RHBDF1: variants seen among roughly 807,000 people sequenced by gnomAD.
RHBDF1 encodes rhomboid 5 homolog 1, also known as inactive rhomboid protein 1.
A neutral mutation model predicts 98.6 loss-of-function variants in RHBDF1; 80 were observed. That is an observed-to-expected ratio of 0.81 (90% confidence interval 0.68 to 0.98). The LOEUF (loss-of-function observed/expected upper bound fraction) is 0.98. Ranked by LOEUF, RHBDF1 falls within the 50% of genes least tolerant of loss-of-function variation. The pLI is 0.00. For synonymous variants in RHBDF1, 512 were observed against 486.8 expected, an observed-to-expected ratio of 1.05 and a Z score of -0.68; for missense variants, 1,116 against 1,198.3, an observed-to-expected ratio of 0.93 and a Z score of 1.01.
chr16:59,661 G>C (rs1383069538), intron 14 of RHBDF1, 71 bp downstream of exon 14: 38 of 1,568,600 alleles, frequency 2.4e-5, no homozygotes, highest in South Asian at 1.0e-4. Context: ...GATTTGGTTA[G>C]GGAGAAGGCA....
rs1596478590 is a variant in RHBDF1, at chr16:72,624, G to GCCGGTCCGGCCCGCCC, written c.-137_-136insGGGCGGGCCGGACCGG. The GCCGGTCCGGCCCGCCC allele has an allele frequency of 3.1e-6, 3 of 972,308 alleles. No individual in the cohort carries two copies. Among genetic ancestry groups the GCCGGTCCGGCCCGCCC allele is most frequent in the South Asian group, 4.8e-5 (1 of 20,988 alleles). The allele number at this position is 972,308 out of a possible 1,614,324, so 60.2% of individuals were successfully genotyped here. On this transcript the variant is annotated 5_prime_UTR_variant, in exon 1 of 18. Transcript: ENST00000262316. ...GCCCGCCCGCCGGTCCGGCCCGCCC[G>GCCGGTCCGGCCCGCCC]GGAATGCCCTGGAGCGAGGGGCGTG...
chr16:63,256 C>G, intron 4 of RHBDF1, 74 bp from the exon 5 acceptor site: 1 of 1,286,426 alleles, frequency 7.8e-7, no homozygotes, highest in East Asian at 2.5e-5. Context: ...AGAGGCCTTG[C>G]AAAGACAGCG....
chr16:62,318 G>A (rs1249761118), intron 7 of RHBDF1: 4 of 744,054 alleles, frequency 5.4e-6, no homozygotes, highest in Non-Finnish European at 8.5e-6. Context: ...CCCAGCCCCT[G>A]GGTTCTAAGA....
chr16:64,978 T>A lies in RHBDF1; in HGVS notation c.38A>T (p.Gln13Leu). The part of the protein sequence containing the change: ...EARRDSTSSL[Q>L]RKKPPWLKLD... ...CTTTAGCCAGGGTGGCTTCTTGCGC[T>A]GCAGGCTGCTCGTGCTGTCCCTGCG... Residue 13 changes from glutamine to leucine, a missense_variant, in exon 2 of 18, where the codon CAG becomes CTG. Transcript: ENST00000262316. The A allele has an allele frequency of 6.5e-7, 1 of 1,549,196 alleles. No individual in the cohort carries two copies. The highest frequency in any genetic ancestry group is 8.7e-7 in the Non-Finnish European group (1 of 1,144,846).
intron 12 of RHBDF1, 68 bp from the exon 13 acceptor site, chr16:60,347 C>A (rs1205938493): frequency 2.5e-6 from 4 of 1,606,126 alleles, no homozygotes; most frequent in South Asian, 1.1e-5. Flanking sequence ...CCAGCCAAGT[C>A]GCCAACAAGA....
intron 1 of RHBDF1, among the ~76,000 whole-genome samples, chr16:65,933 A>T (rs1038894178): frequency 2.0e-5 from 3 of 152,228 alleles, no homozygotes; most frequent in Admixed American, 6.5e-5. Context: ...CTACCATGAC[A>T]TGCCAGGCAC....
intron 1 of RHBDF1, among the ~76,000 whole-genome samples, chr16:65,431 G>C (rs546498549): frequency 2.6e-4 from 39 of 152,366 alleles, no homozygotes; most frequent in African/African-American, 9.1e-4. Flanking sequence ...AGTATGATGG[G>C]AGCGGGGGAA....
Position 72,584 on chromosome 16 carries a change from C to CT in RHBDF1, c.-97_-96insA. The CT allele has an allele frequency of 1.1e-6, 1 of 873,098 alleles. No homozygotes were observed. Among genetic ancestry groups the CT allele is most frequent in the Non-Finnish European group, 1.4e-6 (1 of 739,828 alleles). 54.1% of individuals were successfully genotyped at this position (873,098 alleles called of 1,614,324 possible). On this transcript the variant is annotated 5_prime_UTR_variant, in exon 1 of 18. Transcript: ENST00000262316. ...GGCTGCCGCCGCTGGCCGGGAGGGC[C>CT]CGCGCCGAGTCCCCGCCCGCCCGCC...
chr16:63,059 G>A lies in RHBDF1; in HGVS notation c.586C>T (p.Arg196Cys), dbSNP rs767258812. The change falls in exon 5 of 18, where the codon CGC becomes TGC. Residue 196 changes from arginine (R) to cysteine (C), a missense_variant. Physicochemically the swap from Arg to Cys is radical, Grantham distance 180. Transcript: ENST00000262316. ...CGCGGGAGCCGGTGGAAACCTGAGC[G>A]GGAGCTGGAGAAGGAGCAGAGGGAG... ...AASLCSFSSS[R>C]SGFHRLPRRR... 1.1e-4 allele frequency: 170 copies of A among 1,612,632 alleles called. No homozygotes were observed. The highest frequency in any genetic ancestry group is 1.4e-4 in the Non-Finnish European group (161 of 1,179,778).
At chr16:64,006 C>T (rs1348689307) in intron 3 of RHBDF1, 6 of 721,620 alleles carry the variant, frequency 8.3e-6, no homozygotes, top group South Asian at 3.1e-5. Flanking sequence ...TCCACTAGAC[C>T]GCAGCTGGCC....
chr16:60,384 GC>G, intron 12 of RHBDF1, 54 bp downstream of exon 12: 2 of 1,595,070 alleles, frequency 1.3e-6, no homozygotes, highest in Non-Finnish European at 1.7e-6. Flanking sequence ...CTGCACCACA[GC>G]CCCCGGGGAA....
At chr16:69,100 G>GA (rs1465508239) in intron 1 of RHBDF1, among the ~76,000 whole-genome samples, 1 of 152,176 alleles carries the variant, frequency 6.6e-6, no homozygotes, top group Non-Finnish European at 1.5e-5. Flanking sequence ...GCTGGGGGGT[G>GA]AAAGGACCCT....
At position 62,793 on chromosome 16, in the gene RHBDF1, G is replaced by C; in HGVS notation, c.777C>G (p.Asp259Glu). 6.2e-7 allele frequency: 1 copy of C among 1,614,108 alleles called. No homozygotes were observed. Among genetic ancestry groups the C allele is most frequent in the Non-Finnish European group, 8.5e-7 (1 of 1,180,032 alleles). Residue 259 changes from aspartate to glutamate, a missense_variant, in exon 6 of 18, where the codon GAC becomes GAG. Asp to Glu is a conservative substitution (Grantham distance 45). Transcript: ENST00000262316. ...EDTTDFPDELDTSFFAREGIL... is the reference protein window; with the variant it reads ...EDTTDFPDELETSFFAREGIL... Reference sequence around the variant, plus strand: ...TTCTTACCCGGGCAAAGAAGGATGTGTCCAGCTCATCGGGGAAATCAGTTG... The same window carrying C: ...TTCTTACCCGGGCAAAGAAGGATGTCTCCAGCTCATCGGGGAAATCAGTTG...
rs1209299283 is a variant in RHBDF1, at chr16:63,804, G to T, written c.249-4C>A. The stretch of plus-strand genomic sequence containing the variant: ...TCCAAACCAGTCGGCGGTCCCCCTG[G>T]CATGGCAGGGACTCAGCAAGGGGCG... On this transcript the variant is annotated splice_region_variant and splice_polypyrimidine_tract_variant and intron_variant, in intron 3 of 17. Transcript: ENST00000262316. 6 of 1,611,982 alleles carry T rather than the reference G, an allele frequency of 3.7e-6. No homozygotes were observed. The highest frequency in any genetic ancestry group is 4.2e-6 in the Non-Finnish European group (5 of 1,178,752).
chr16:65,898 G>T (rs978339438), intron 1 of RHBDF1, among the ~76,000 whole-genome samples: 1 of 152,262 alleles, frequency 6.6e-6, no homozygotes, highest in African/African-American at 2.4e-5. Flanking sequence ...CGGTGCCGGG[G>T]CTGCGGGGCA....
chr16:59,678 A>AG, intron 14 of RHBDF1, 54 bp downstream of exon 14: 1 of 1,599,858 alleles, frequency 6.3e-7, no homozygotes. Context: ...GGCACACCCT[A>AG]GGGCGATGCT....
At chr16:63,832 C>G in intron 3 of RHBDF1, 32 bp from the exon 4 acceptor site, 1 of 1,589,888 alleles carries the variant, frequency 6.3e-7, no homozygotes, top group Non-Finnish European at 8.6e-7. Context: ...AAGGGGCGGC[C>G]AGATCGCCCC....
chr16:74,141 C>T (rs544817594), upstream of RHBDF1, among the ~76,000 whole-genome samples: 107 of 152,284 alleles, frequency 7.0e-4, no homozygotes, highest in African/African-American at 2.3e-3. Context: ...GAGCCTGCCC[C>T]AGTGCCAACA....
intron 1 of RHBDF1, among the ~76,000 whole-genome samples, chr16:71,933 A>C (rs1897980510): frequency 1.3e-5 from 2 of 152,110 alleles, no homozygotes; most frequent in Admixed American, 1.3e-4. Context: ...TGGAGCTTCG[A>C]AGTGTACAGA....
Sources: gnomAD v4.1 joint callset for allele counts (sites outside exome capture counted in the v4.1 genomes callset) on GRCh38, gnomAD v4.1.1 for gene constraint, MANE v1.5 for transcripts, NCBI Gene and HGNC (gene_info 2026-07-23, HGNC 2026-07-21) for gene names.